The following IVD variants were observed in gnomAD, a reference collection of about 807,000 sequenced individuals.
IVD encodes isovaleryl-CoA dehydrogenase, also known as isovaleryl-CoA dehydrogenase, mitochondrial.
In IVD, 31 loss-of-function variants were observed where a neutral mutation model predicts 51.3. The ratio of observed to expected loss-of-function variants is 0.60; its 90% CI spans 0.45 to 0.81. The LOEUF (loss-of-function observed/expected upper bound fraction) is 0.81, where lower values mean the gene tolerates loss of function less well. Ranked by LOEUF, IVD falls within the 40% of genes least tolerant of loss-of-function variation. The probability of loss-of-function intolerance (pLI) is 0.00; values close to 1 mark genes in which losing one functional copy is unlikely to be tolerated. For synonymous variants in IVD, 205 were observed against 219.4 expected (o/e 0.93, Z 0.58); for missense variants, 475 against 552.0 (o/e 0.86, Z 1.40).
rs1408181510 is a variant in IVD, at chr15:40,405,982, T to A, written c.144+11T>A. 6.2e-7 allele frequency: 1 copy of A among 1,602,214 alleles called. No individual in the cohort carries two copies. The highest frequency in any genetic ancestry group is 1.7e-5 in the Admixed American group (1 of 58,416). On this transcript the variant is annotated intron_variant, in intron 1 of 11. Transcript: ENST00000487418. The stretch of plus-strand genomic sequence containing the variant: ...GAGGAGCAGAGGCAGGTGAGGAGAC[T>A]GACCCCCTTCCTGGCCCCAAGGCCT...
At chr15:40,433,360 T>C (rs7176449) in intron 7 of IVD, among the ~76,000 whole-genome samples, 3,840 of 152,302 alleles carry the variant, frequency 0.025, 176 homozygotes, top group African/African-American at 0.088. Context: ...TGCCTGTTCA[T>C]GCCTTCTGTA....
At chr15:40,411,774 G>T in intron 6 of IVD, 83 bp downstream of exon 6, 6 of 1,515,204 alleles carry the variant, frequency 4.0e-6, no homozygotes, top group Non-Finnish European at 5.5e-6. Context: ...GATCTCAAAT[G>T]GAATCAGTGT....
At chr15:40,431,126 C>T (rs1188222821) in intron 7 of IVD, among the ~76,000 whole-genome samples, 3 of 146,740 alleles carry the variant, frequency 2.0e-5, no homozygotes, top group East Asian at 2.0e-4. Flanking sequence ...ACTATTATTA[C>T]GCTTTTTTTT....
chr15:40,413,157 T>G, intron 7 of IVD, 70 bp downstream of exon 7: 1 of 1,251,468 alleles, frequency 8.0e-7, no homozygotes, highest in East Asian at 2.3e-5. Flanking sequence ...TGTTCTCAAG[T>G]TGAGAAAGCC....
chr15:40,435,553 C>G (rs1412119012), exon 9 of IVD: 11 of 1,166,876 alleles, frequency 9.4e-6, no homozygotes, highest in African/African-American at 1.6e-5. Context: ...GCGTGCTGCT[C>G]CCCCAACTCG....
At chr15:40,412,815 A>G (rs898682195) in intron 6 of IVD, 176 bp from the exon 7 acceptor site, 16 of 617,216 alleles carry the variant, frequency 2.6e-5, no homozygotes, top group African/African-American at 1.7e-4. Context: ...GCTGGGATCA[A>G]TCTGGGGCGT....
Position 40,416,078 on chromosome 15 carries a change from T to G in IVD, c.961T>G (p.Leu321Val). The G allele has an allele frequency of 6.2e-7, 1 of 1,614,196 alleles. No individual in the cohort carries two copies. Among genetic ancestry groups the G allele is most frequent in the Non-Finnish European group, 8.5e-7 (1 of 1,180,000 alleles). ...ACCTGTGACATCCCTTTGTGCCCAGTTGATGCAGGGGAAGATGGCTGACAT... is the reference window on the plus strand; with the variant it reads ...ACCTGTGACATCCCTTTGTGCCCAGGTGATGCAGGGGAAGATGGCTGACAT... ...AFGQKIGHFQ[L>V]MQGKMADMYT... Residue 321 changes from leucine to valine, a missense_variant and splice_region_variant, in exon 10 of 12, where the codon TTG (leucine) becomes GTG (valine). By Grantham distance (32) the Leu-to-Val change is conservative. Coordinates refer to ENST00000487418, the MANE Select transcript of IVD (RefSeq NM_002225.5).
At chr15:40,410,587 T>A (rs753189510) in intron 3 of IVD, 41 bp from the exon 4 acceptor site, 10 of 1,611,498 alleles carry the variant, frequency 6.2e-6, no homozygotes, top group Non-Finnish European at 8.5e-6. Context: ...CGATTTAATC[T>A]GGGCTGCGTT....
In IVD at chr15:40,418,317, A is replaced by C. The variant is rs1595798277; in HGVS notation, c.*54A>C. 1 of 1,610,544 alleles carries C rather than the reference A, an allele frequency of 6.2e-7. No individual in the cohort carries two copies. Among genetic ancestry groups the C allele is most frequent in the Non-Finnish European group, 8.5e-7 (1 of 1,178,820 alleles). ...CACCTAGTGGCCTTTCTTGGGAAGT[A>C]GAGATGTGGCGGCTTTCCCACCCTG... is the stretch of plus-strand genomic sequence containing the variant. On this transcript the variant is annotated 3_prime_UTR_variant, in exon 12 of 12. Transcript: ENST00000487418.
At chr15:40,422,845 C>A (rs994326887), downstream of IVD, among the ~76,000 whole-genome samples, 7 of 146,486 alleles carry the variant, frequency 4.8e-5, no homozygotes, top group African/African-American at 1.5e-4. Context: ...ATTGATCCAC[C>A]GGCCTCAGCC....
chr15:40,435,225 T>C (rs981440615), intron 8 of IVD, among the ~76,000 whole-genome samples: 10 of 152,268 alleles, frequency 6.6e-5, no homozygotes, highest in Admixed American at 5.9e-4. Flanking sequence ...TCCCCATGTT[T>C]GTCTTTCTTG....
At position 40,416,093 on chromosome 15, in the gene IVD, A is replaced by G. The variant is rs1374572061; in HGVS notation, c.976A>G (p.Met326Val). The change falls in exon 10 of 12, where the codon ATG (methionine) becomes GTG (valine). Residue 326 changes from methionine to valine, a missense_variant. Coordinates refer to ENST00000487418, the MANE Select transcript of IVD (RefSeq NM_002225.5). ...TTGTGCCCAGTTGATGCAGGGGAAG[A>G]TGGCTGACATGTACACCCGCCTCAT... ...IGHFQLMQGK[M>V]ADMYTRLMAC... 1 of 1,614,270 alleles carries G rather than the reference A, an allele frequency of 6.2e-7. No individual in the cohort carries two copies. The highest frequency in any genetic ancestry group is 8.5e-7 in the Non-Finnish European group (1 of 1,180,046).
At chr15:40,415,707 C>T (rs539208407) in intron 9 of IVD, among the ~76,000 whole-genome samples, 1 of 152,300 alleles carries the variant, frequency 6.6e-6, no homozygotes, top group South Asian at 2.1e-4. Flanking sequence ...ATGAACTAGA[C>T]ATTGTAAGGT....
chr15:40,414,203 G>A (rs1037166989), intron 7 of IVD, among the ~76,000 whole-genome samples: 1 of 152,180 alleles, frequency 6.6e-6, no homozygotes, highest in Non-Finnish European at 1.5e-5. Flanking sequence ...GTCTGCCTCA[G>A]CCATATACCA....
chr15:40,418,030 C>CGG, intron 11 of IVD, 100 bp from the exon 12 acceptor site: 6 of 1,463,418 alleles, frequency 4.1e-6, no homozygotes, highest in Non-Finnish European at 5.6e-6. Flanking sequence ...CTTTAATCAC[C>CGG]CTCTCCTCCT....
At position 40,434,570 on chromosome 15, in the gene IVD, G is replaced by T. The variant is rs779027256; in HGVS notation, c.780+656G>T. 1.6e-4 allele frequency among the ~76,000 whole-genome samples: 24 copies of T among 152,228 alleles called. No individual in the cohort carries two copies. In the South Asian group the frequency reaches 1.7e-3, roughly 11 times the overall value. ...AGACTTACGGGCAAAGCAGCAGATG[G>T]TCAGGAATGTGTGAGGAGGAGACAA... On this transcript the variant is annotated intron_variant, in intron 8 of 8. Transcript: ENST00000473112.
At chr15:40,432,978 A>T (rs1311377587) in intron 7 of IVD, among the ~76,000 whole-genome samples, 2 of 152,238 alleles carry the variant, frequency 1.3e-5, no homozygotes, top group Non-Finnish European at 2.9e-5. Flanking sequence ...TTTGGGCATG[A>T]TGAAATAGAT....
intron 3 of IVD, 151 bp from the exon 4 acceptor site, chr15:40,410,477 C>A: frequency 1.1e-6 from 1 of 895,496 alleles, no homozygotes; most frequent in South Asian, 1.4e-5. Flanking sequence ...GTAAGCAGGT[C>A]TGTGGCATCA....
rs527889570 is a variant in IVD at position 40,414,703 on chromosome 15, G to A, written c.785-186G>A. Reference sequence around the variant, plus strand: ...CGTGGATGGGGTGGGAGTCCTGGCAGCTCCACTTCTGACTGGAAGGGGTTC... The same window carrying A: ...CGTGGATGGGGTGGGAGTCCTGGCAACTCCACTTCTGACTGGAAGGGGTTC... On this transcript the variant is annotated intron_variant, in intron 7 of 11. Coordinates refer to ENST00000487418, the MANE Select transcript of IVD (RefSeq NM_002225.5). The A allele has an allele frequency of 8.2e-6, 8 of 979,978 alleles. No homozygotes were observed. The South Asian group carries it at 1.0e-4, about 13-fold the overall frequency. 60.7% of individuals were successfully genotyped at this position (979,978 alleles called of 1,614,324 possible).
Sources: allele counts gnomAD v4.1 joint callset (sites outside exome capture counted in the v4.1 genomes callset), GRCh38; gene constraint gnomAD v4.1.1; transcripts MANE v1.5; gene names NCBI Gene and HGNC (gene_info 2026-07-23, HGNC 2026-07-21).